The following KCNK2 variants were observed in gnomAD, a reference collection of about 807,000 sequenced individuals.
The protein encoded by KCNK2 is potassium channel subfamily K member 2.
Under a neutral mutation model 40.5 loss-of-function variants are expected in KCNK2, and 21 were observed. The observed-to-expected ratio is 0.52, with a 90% confidence interval of 0.37 to 0.75. KCNK2 has a LOEUF of 0.75. Among genes scored for constraint, KCNK2 ranks in the 30% least tolerant of loss-of-function variants. KCNK2 has a pLI of 0.00. For synonymous variants in KCNK2, 191 were observed against 202.2 expected (o/e 0.94, Z 0.47); for missense variants, 399 against 531.6 (o/e 0.75, Z 2.45).
intron 1 of KCNK2, among the ~76,000 whole-genome samples, chr1:215,038,844 C>G (rs557086798): frequency 4.6e-5 from 7 of 152,114 alleles, no homozygotes; most frequent in African/African-American, 1.7e-4. Context: ...TTTATTTCTT[C>G]TATTTCTCCT....
chr1:215,174,194 G>A (rs1022124638), intron 5 of KCNK2, among the ~76,000 whole-genome samples: 2 of 152,050 alleles, frequency 1.3e-5, no homozygotes, highest in African/African-American at 4.8e-5. Flanking sequence ...CATATGGCTA[G>A]CCAGTTTTCC....
chr1:215,029,345 C>T (rs910317244), intron 1 of KCNK2, among the ~76,000 whole-genome samples: 21 of 151,054 alleles, frequency 1.4e-4, no homozygotes, highest in African/African-American at 4.9e-4. Context: ...TTTGCCTTTT[C>T]GAGAAGTCAT....
At chr1:215,052,633 T>C (rs1392428855) in intron 1 of KCNK2, among the ~76,000 whole-genome samples, 2 of 152,160 alleles carry the variant, frequency 1.3e-5, no homozygotes, top group Non-Finnish European at 2.9e-5. Context: ...CTAAATATCC[T>C]GAAATGAACA....
At chr1:215,025,375 A>T (rs926614709) in intron 1 of KCNK2, among the ~76,000 whole-genome samples, 4 of 152,044 alleles carry the variant, frequency 2.6e-5, no homozygotes, top group Non-Finnish European at 4.4e-5. Flanking sequence ...CTTTCTTTTC[A>T]GTATAACATT....
At chr1:215,151,709 A>G (rs997085408) in intron 3 of KCNK2, among the ~76,000 whole-genome samples, 2 of 151,954 alleles carry the variant, frequency 1.3e-5, no homozygotes, top group Non-Finnish European at 2.9e-5. Context: ...TTATCCATAC[A>G]GTACTTTCAT....
chr1:215,186,243 C>A (rs958145947), intron 5 of KCNK2, among the ~76,000 whole-genome samples: 12 of 152,002 alleles, frequency 7.9e-5, no homozygotes, highest in African/African-American at 2.7e-4. Flanking sequence ...ACTCTTGTCT[C>A]TACAAACATT....
At chr1:215,042,237 T>G (rs1176593956) in intron 1 of KCNK2, among the ~76,000 whole-genome samples, 1 of 152,130 alleles carries the variant, frequency 6.6e-6, no homozygotes, top group African/African-American at 2.4e-5. Flanking sequence ...CAAGGGCACA[T>G]GTACTGAGCA....
intron 1 of KCNK2, among the ~76,000 whole-genome samples, chr1:215,084,781 G>A (rs1335172263): frequency 6.6e-6 from 1 of 152,182 alleles, no homozygotes; most frequent in Admixed American, 6.5e-5. Flanking sequence ...GCTGTAATAA[G>A]CTATATGTAC....
chr1:215,187,839 C>A, intron 5 of KCNK2, among the ~76,000 whole-genome samples: 1 of 134,160 alleles, frequency 7.5e-6, no homozygotes, highest in African/African-American at 3.1e-5. Flanking sequence ...AAGACCCTGT[C>A]TCAAAAATTT....
chr1:215,082,633 G>A (rs1048785222), upstream of KCNK2, among the ~76,000 whole-genome samples: 2 of 152,030 alleles, frequency 1.3e-5, no homozygotes, highest in African/African-American at 4.8e-5. Context: ...TCTTGCAGGG[G>A]CGACGCAGGC....
intron 3 of KCNK2, among the ~76,000 whole-genome samples, chr1:215,146,925 A>G (rs1662442387): frequency 6.6e-6 from 1 of 152,244 alleles, no homozygotes; most frequent in Non-Finnish European, 1.5e-5. Context: ...TCAGCATGGT[A>G]TCTGATATGC....
intron 3 of KCNK2, among the ~76,000 whole-genome samples, chr1:215,136,259 C>T (rs1406868362): frequency 6.6e-6 from 1 of 151,912 alleles, no homozygotes; most frequent in Non-Finnish European, 1.5e-5. Context: ...CCATGTCCAG[C>T]TAATTTTTTA....
At chr1:215,155,263 A>T (rs1007401937) in intron 3 of KCNK2, among the ~76,000 whole-genome samples, 23 of 149,220 alleles carry the variant, frequency 1.5e-4, no homozygotes, top group Non-Finnish European at 5.9e-5. Flanking sequence ...AGTCCTTTTT[A>T]TGCTTTATAT....
At chr1:215,115,691 A>T (rs981474778) in intron 2 of KCNK2, among the ~76,000 whole-genome samples, 3 of 151,280 alleles carry the variant, frequency 2.0e-5, no homozygotes, top group Non-Finnish European at 4.4e-5. Context: ...TTTCTTTCTG[A>T]CTTCTTCTTC....
chr1:215,152,170 G>T (rs1235426559), intron 3 of KCNK2, among the ~76,000 whole-genome samples: 1 of 151,594 alleles, frequency 6.6e-6, no homozygotes, highest in Non-Finnish European at 1.5e-5. Flanking sequence ...TCTTGAATTT[G>T]TTCTACTCTC....
intron 2 of KCNK2, among the ~76,000 whole-genome samples, chr1:215,108,567 A>T (rs2102559639): frequency 6.6e-6 from 1 of 152,212 alleles, no homozygotes; most frequent in Non-Finnish European, 1.5e-5. Context: ...TTTTGGGGTC[A>T]TATCCATGAA....
intron 1 of KCNK2, among the ~76,000 whole-genome samples, chr1:215,038,548 G>C (rs1227107514): frequency 3.3e-5 from 5 of 152,064 alleles, no homozygotes; most frequent in Non-Finnish European, 7.4e-5. Context: ...AACATTTCCA[G>C]CATTGAAGAC....
At chr1:215,010,299 T>G (rs924355732) in intron 1 of KCNK2, among the ~76,000 whole-genome samples, 1 of 152,266 alleles carries the variant, frequency 6.6e-6, no homozygotes, top group Non-Finnish European at 1.5e-5. Flanking sequence ...AATATTCTTT[T>G]AGTTCAGTTT....
At chr1:215,057,165 A>G (rs1272445740) in intron 1 of KCNK2, among the ~76,000 whole-genome samples, 1 of 150,436 alleles carries the variant, frequency 6.6e-6, no homozygotes, top group Admixed American at 6.6e-5. Context: ...GATTAAGCCC[A>G]TGCTTGGGAC....
Sources: gnomAD v4.1 joint callset for allele counts (sites outside exome capture counted in the v4.1 genomes callset) on GRCh38, gnomAD v4.1.1 for gene constraint, MANE v1.5 for transcripts, NCBI Gene and HGNC (gene_info 2026-07-23, HGNC 2026-07-21) for gene names.